CTNNA2: variants seen among roughly 807,000 people sequenced by gnomAD.
CTNNA2 encodes catenin alpha-2.
Under a neutral mutation model 101.0 loss-of-function variants are expected in CTNNA2, and 42 were observed. The observed-to-expected ratio is 0.42, with a 90% CI of 0.32 to 0.54. The LOEUF is 0.54. Among genes scored for constraint, CTNNA2 ranks in the 20% least tolerant of loss-of-function variants. The pLI, the probability that CTNNA2 is intolerant of heterozygous loss-of-function variation, is 0.14. For synonymous variants in CTNNA2, 450 were observed against 456.4 expected (o/e 0.99, Z 0.18); for missense variants, 871 against 1,223.1 (o/e 0.71, Z 4.29).
intron 7 of CTNNA2, among the ~76,000 whole-genome samples, chr2:80,193,403 C>T (rs547635877): frequency 2.6e-5 from 4 of 152,184 alleles, no homozygotes; most frequent in African/African-American, 7.2e-5. Flanking sequence ...AAGTCATTGA[C>T]GATAAAATGT....
At chr2:79,592,012 C>G (rs191104933) in intron 1 of CTNNA2, among the ~76,000 whole-genome samples, 145 of 149,588 alleles carry the variant, frequency 9.7e-4, no homozygotes, top group African/African-American at 3.4e-3. Flanking sequence ...TATTTCTCCT[C>G]TAGATTAAAA....
intron 3 of CTNNA2, among the ~76,000 whole-genome samples, chr2:79,778,587 A>T: frequency 6.7e-6 from 1 of 150,156 alleles, no homozygotes; most frequent in Admixed American, 6.6e-5. Flanking sequence ...ACGTATATAC[A>T]TATATACATA....
At chr2:80,321,660 A>T (rs1328396953) in intron 7 of CTNNA2, among the ~76,000 whole-genome samples, 1 of 152,222 alleles carries the variant, frequency 6.6e-6, no homozygotes, top group Non-Finnish European at 1.5e-5. Flanking sequence ...CTTTTCTGAT[A>T]TATCAAAAAA....
At chr2:79,497,669 C>G (rs1671273186) in intron 4 of CTNNA2, among the ~76,000 whole-genome samples, 1 of 152,188 alleles carries the variant, frequency 6.6e-6, no homozygotes, top group Non-Finnish European at 1.5e-5. Flanking sequence ...ACACCCCACA[C>G]TAAATCATGG....
chr2:79,879,423 T>A (rs1683260190), intron 6 of CTNNA2, among the ~76,000 whole-genome samples: 1 of 152,214 alleles, frequency 6.6e-6, no homozygotes, highest in South Asian at 2.1e-4. Flanking sequence ...ATGGCCATTT[T>A]CACAATGCTG....
Position 80,545,935 on chromosome 2 carries a change from C to T in CTNNA2, c.1412C>T (p.Ala471Val). Residue 471 changes from alanine to valine, a missense_variant, in exon 11 of 19, where the codon GCC becomes GTC. Transcript: ENST00000402739. Reference protein sequence around the residue: ...QVINAALTLAARPQSKVAQDN... With the variant: ...QVINAALTLAVRPQSKVAQDN... ...ATCAATGCCGCTCTGACACTGGCTG[C>T]CCGGCCACAGAGCAAAGTTGCTCAG... 6.2e-7 allele frequency: 1 copy of T among 1,614,008 alleles called. No homozygotes were observed. Among genetic ancestry groups the T allele is most frequent in the Non-Finnish European group, 8.5e-7 (1 of 1,179,946 alleles).
intron 3 of CTNNA2, among the ~76,000 whole-genome samples, chr2:79,766,214 G>T (rs1912697): frequency 0.15 from 23,174 of 152,136 alleles, 2,038 homozygotes; most frequent in Admixed American, 0.21. Context: ...GGACAGGTCT[G>T]GTGTTAATGC....
intron 9 of CTNNA2, among the ~76,000 whole-genome samples, chr2:80,492,118 G>A (rs566354358): frequency 8.5e-5 from 13 of 152,286 alleles, no homozygotes; most frequent in Non-Finnish European, 1.3e-4. Flanking sequence ...GGCCTGGTAG[G>A]AGGTGATTGG....
At chr2:80,640,373 G>A (rs530120950) in intron 18 of CTNNA2, among the ~76,000 whole-genome samples, 1 of 152,150 alleles carries the variant, frequency 6.6e-6, no homozygotes, top group East Asian at 1.9e-4. Flanking sequence ...ATGAGAATTT[G>A]TTTGATGAGA....
intron 17 of CTNNA2, among the ~76,000 whole-genome samples, chr2:80,612,682 A>T (rs954032837): frequency 9.2e-5 from 14 of 151,424 alleles, no homozygotes; most frequent in African/African-American, 3.4e-4. Context: ...TAATGAGCTA[A>T]AACAGCCATT....
rs77988739 is a variant in CTNNA2, at chr2:79,356,890, A to T, written c.-317-16941A>T. Among the ~76,000 whole-genome samples, 351 of 152,368 alleles carry T rather than the reference A, an allele frequency of 2.3e-3. 4 individuals are homozygous for T. The East Asian group carries it at 0.03, about 13-fold the overall frequency. ...TAGATTAGAATTATAAATAAAATAT[A>T]TCACATAGAGATTTAAACATAGTTA... is the stretch of plus-strand genomic sequence containing the variant. On this transcript the variant is annotated intron_variant, in intron 3 of 21. Coordinates refer to the CTNNA2 transcript ENST00000466387.
intron 7 of CTNNA2, among the ~76,000 whole-genome samples, chr2:80,005,646 G>C (rs1422134288): frequency 6.9e-6 from 1 of 144,364 alleles, no homozygotes; most frequent in Non-Finnish European, 1.5e-5. Flanking sequence ...CTATGGGGAA[G>C]GGCAGAGTTG....
intron 16 of CTNNA2, among the ~76,000 whole-genome samples, chr2:80,606,401 CACACACACACA>C: frequency 8.3e-6 from 1 of 120,962 alleles, no homozygotes; most frequent in Admixed American, 9.0e-5. Flanking sequence ...CACACACACA[CACACACACACA>C]CCCCCCAGGA....
chr2:80,401,653 T>G (rs1406448808), intron 8 of CTNNA2, among the ~76,000 whole-genome samples: 1 of 152,172 alleles, frequency 6.6e-6, no homozygotes, highest in Non-Finnish European at 1.5e-5. Context: ...CTCATCCCAG[T>G]CCCTCAGGTG....
intron 14 of CTNNA2, among the ~76,000 whole-genome samples, chr2:80,582,057 CA>C (rs1695589518): frequency 6.6e-6 from 1 of 152,134 alleles, no homozygotes; most frequent in Non-Finnish European, 1.5e-5. Context: ...GCAACCACAT[CA>C]CAGCAAGCTT....
intron 4 of CTNNA2, among the ~76,000 whole-genome samples, chr2:79,858,471 G>C (rs994206963): frequency 6.6e-6 from 1 of 152,084 alleles, no homozygotes; most frequent in Non-Finnish European, 1.5e-5. Context: ...AGTCTACAGA[G>C]CCTGGACAGG....
rs138369483 is a variant in CTNNA2 at position 80,645,358 on chromosome 2, TG to T, written c.2575-2222del. On this transcript the variant is annotated intron_variant, in intron 18 of 18. Transcript: ENST00000402739. ...GTCCTTCATTATTTACACTTCTACC[TG>T]GGGGTAAGATGGGAAAGACGAAAAA... Among the ~76,000 whole-genome samples, 1,448 of 152,212 alleles carry T rather than the reference TG, an allele frequency of 9.5e-3. 27 individuals are homozygous for T. The highest frequency in any genetic ancestry group is 0.032 in the African/African-American group (1,335 of 41,550).
chr2:79,822,460 A>G (rs141840495), intron 3 of CTNNA2, among the ~76,000 whole-genome samples: 1 of 152,280 alleles, frequency 6.6e-6, no homozygotes, highest in African/African-American at 2.4e-5. Context: ...CTGTGTCAAC[A>G]TCCTATTCTC....
chr2:79,434,002 A>C (rs2104512397), intron 4 of CTNNA2, among the ~76,000 whole-genome samples: 1 of 152,230 alleles, frequency 6.6e-6, no homozygotes, highest in South Asian at 2.1e-4. Flanking sequence ...AAAGAATAAG[A>C]GAGGTTTAAG....
Sources: allele counts gnomAD v4.1 joint callset (sites outside exome capture counted in the v4.1 genomes callset), GRCh38; gene constraint gnomAD v4.1.1; transcripts MANE v1.5; gene names NCBI Gene and HGNC (gene_info 2026-07-23, HGNC 2026-07-21).